Variants in PUDP observed in about 807,000 individuals in gnomAD.
The protein encoded by PUDP is pseudouridine 5'-phosphatase.
In PUDP, 8 loss-of-function variants were observed where a neutral mutation model predicts 9.4. The observed-to-expected ratio is 0.85, with a 90% CI of 0.50 to 1.53. The LOEUF is 1.53. Ranked by LOEUF, PUDP falls within the 40% of genes most tolerant of loss-of-function variation. The probability of loss-of-function intolerance (pLI) is 0.00; values close to 1 mark genes in which losing one functional copy is unlikely to be tolerated. For synonymous variants in PUDP, 99 were observed against 80.7 expected (o/e 1.23, Z -1.22); for missense variants, 188 against 189.7 (o/e 0.99, Z 0.05).
chrX:6,869,032 C>A (rs771319059), intron 3 of PUDP, among the ~76,000 whole-genome samples: 1 of 112,073 alleles, frequency 8.9e-6, no homozygotes, highest in South Asian at 3.7e-4. Flanking sequence ...CAGGTTCATG[C>A]TGGCATTTTA....
intron 3 of PUDP, among the ~76,000 whole-genome samples, chrX:6,960,359 T>C (rs1400460777): frequency 1.8e-5 from 2 of 112,191 alleles, no homozygotes; most frequent in Admixed American, 9.4e-5. Flanking sequence ...AGGAGTGAGT[T>C]CCTTATATAA....
chrX:6,839,311 AG>A (rs1926630648), intron 3 of PUDP, among the ~76,000 whole-genome samples: 1 of 111,596 alleles, frequency 9.0e-6, no homozygotes, highest in Non-Finnish European at 1.9e-5. Flanking sequence ...TCTGGTTTCT[AG>A]GATTAGGTCC....
chrX:7,019,431 A>T, intron 1 of PUDP, among the ~76,000 whole-genome samples: 1 of 112,030 alleles, frequency 8.9e-6, no homozygotes, highest in Non-Finnish European at 1.9e-5. Flanking sequence ...GCTGTCTTGT[A>T]TGGGGCGATT....
In PUDP at chrX:6,720,067, A is replaced by G. The variant is rs190180754; in HGVS notation, n.128+1350T>C. ...AGATATGGAACCAACCTAAACATCC[A>G]CCAATAGATGAATAGATAAAGAAAA... On this transcript the variant is annotated intron_variant and non_coding_transcript_variant, in intron 1 of 2. Coordinates refer to the PUDP transcript ENST00000438499. Among the ~76,000 whole-genome samples, 271 of 107,600 alleles carry G rather than the reference A, an allele frequency of 2.5e-3. 2 individuals carry two copies. The highest frequency in any genetic ancestry group is 8.5e-3 in the African/African-American group (252 of 29,531). The allele number at this position is 107,600 out of a possible 115,157, so 93.4% of individuals were successfully genotyped here.
At chrX:6,896,883 T>G (rs1269025716) in intron 3 of PUDP, among the ~76,000 whole-genome samples, 2 of 111,645 alleles carry the variant, frequency 1.8e-5, no homozygotes, top group Admixed American at 1.9e-4. Flanking sequence ...TTGTTTGTTT[T>G]TTTAAATTCT....
intron 1 of PUDP, among the ~76,000 whole-genome samples, chrX:7,109,780 T>C (rs1355179771): frequency 9.8e-5 from 11 of 112,522 alleles, no homozygotes. Context: ...TGAAATAAAA[T>C]AAAGGAGCAT....
At chrX:7,089,510 A>G (rs1386234135) in intron 2 of PUDP, among the ~76,000 whole-genome samples, 1 of 111,397 alleles carries the variant, frequency 9.0e-6, no homozygotes, top group Non-Finnish European at 1.9e-5. Flanking sequence ...CAATGGCTCC[A>G]CTACTTCACA....
At chrX:7,128,174 T>C (rs1443782782) in intron 1 of PUDP, among the ~76,000 whole-genome samples, 9 of 110,729 alleles carry the variant, frequency 8.1e-5, no homozygotes, top group African/African-American at 3.0e-4. Flanking sequence ...CCCGAGTAGC[T>C]GGGATTATAG....
At chrX:6,851,963 G>T (rs1926833395) in intron 3 of PUDP, among the ~76,000 whole-genome samples, 1 of 112,433 alleles carries the variant, frequency 8.9e-6, no homozygotes, top group African/African-American at 3.2e-5. Flanking sequence ...CTCCAAGGGT[G>T]TTTCTGAAGA....
intron 3 of PUDP, among the ~76,000 whole-genome samples, chrX:6,817,052 C>T (rs1364209731): frequency 1.6e-5 from 1 of 64,322 alleles, no homozygotes; most frequent in Admixed American, 1.7e-4. Context: ...AATATATATA[C>T]ACTATATAGT....
chrX:6,728,628 C>G (rs979846828), intron 3 of PUDP, among the ~76,000 whole-genome samples: 2 of 111,581 alleles, frequency 1.8e-5, no homozygotes, highest in Non-Finnish European at 3.8e-5. Context: ...CAGGCTTAAA[C>G]TTTTAATTCT....
chrX:7,070,649 G>T (rs1930704231), intron 3 of PUDP, among the ~76,000 whole-genome samples: 4 of 110,841 alleles, frequency 3.6e-5, no homozygotes, highest in Non-Finnish European at 5.7e-5. Flanking sequence ...CACAATCTCG[G>T]CTCACTGCAC....
chrX:6,961,579 T>C (rs1305102863), intron 3 of PUDP, among the ~76,000 whole-genome samples: 1 of 110,935 alleles, frequency 9.0e-6, no homozygotes, highest in Non-Finnish European at 1.9e-5. Flanking sequence ...AACCAAAAAA[T>C]TACCCACATG....
At chrX:7,023,527 A>C (rs1189051440) in intron 1 of PUDP, among the ~76,000 whole-genome samples, 1 of 112,194 alleles carries the variant, frequency 8.9e-6, no homozygotes, top group Admixed American at 9.4e-5. Context: ...ATGTATGTTT[A>C]TTTGTATGTA....
chrX:6,891,886 A>G (rs1927522282), intron 3 of PUDP, among the ~76,000 whole-genome samples: 1 of 111,665 alleles, frequency 9.0e-6, no homozygotes, highest in Non-Finnish European at 1.9e-5. Context: ...AAACTAACCG[A>G]GTCAACTTTC....
intron 1 of PUDP, among the ~76,000 whole-genome samples, chrX:6,984,430 C>T (rs1220744395): frequency 8.9e-6 from 1 of 111,896 alleles, no homozygotes; most frequent in Non-Finnish European, 1.9e-5. Flanking sequence ...CTCAATATAG[C>T]TGTTCTATTT....
At chrX:6,910,151 C>A (rs1433551140) in intron 3 of PUDP, among the ~76,000 whole-genome samples, 4 of 112,134 alleles carry the variant, frequency 3.6e-5, no homozygotes, top group Admixed American at 1.9e-4. Flanking sequence ...GTGCCCTGAG[C>A]TTATCAGACA....
chrX:6,979,104 G>T (rs769568483), intron 1 of PUDP, among the ~76,000 whole-genome samples: 72 of 112,143 alleles, frequency 6.4e-4, no homozygotes, highest in Admixed American at 2.0e-3. Flanking sequence ...ATAACACAAT[G>T]TTATCATGCA....
chrX:6,813,135 A>G (rs1264717905), intron 3 of PUDP, among the ~76,000 whole-genome samples: 3 of 109,509 alleles, frequency 2.7e-5, no homozygotes, highest in Non-Finnish European at 5.7e-5. Context: ...AAGAAGAAGA[A>G]GGAGAAGGAG....
Sources: allele counts gnomAD v4.1 joint callset (sites outside exome capture counted in the v4.1 genomes callset), GRCh38; gene constraint gnomAD v4.1.1; transcripts MANE v1.5; gene names NCBI Gene and HGNC (gene_info 2026-07-23, HGNC 2026-07-21).